Variants in ACTN1 observed in about 807,000 individuals in gnomAD.
ACTN1 encodes the protein alpha-actinin-1.
ACTN1 carries 30 observed loss-of-function variants against 119.6 expected under a neutral mutation model. The ratio of observed to expected loss-of-function variants is 0.25; its 90% CI spans 0.19 to 0.34. The LOEUF (loss-of-function observed/expected upper bound fraction) is 0.34. ACTN1 is among the 10% of genes least tolerant of loss of function. The pLI, the probability that ACTN1 is intolerant of heterozygous loss-of-function variation, is 1.00. For synonymous variants in ACTN1, 429 were observed against 472.6 expected, an observed-to-expected ratio of 0.91 and a Z score of 1.20; for missense variants, 764 against 1,223.4, an observed-to-expected ratio of 0.62 and a Z score of 5.60.
At chr14:68,971,544 G>A (rs773114545) in intron 1 of ACTN1, among the ~76,000 whole-genome samples, 11 of 152,174 alleles carry the variant, frequency 7.2e-5, no homozygotes, top group Non-Finnish European at 1.0e-4. Context: ...GGCCTCTCTC[G>A]CTGTGCGGCT....
At chr14:68,894,880 G>T (rs2140177483) in intron 8 of ACTN1, among the ~76,000 whole-genome samples, 1 of 152,312 alleles carries the variant, frequency 6.6e-6, no homozygotes, top group African/African-American at 2.4e-5. Flanking sequence ...GAGGCTGGTT[G>T]TAAGGAAGAG....
intron 8 of ACTN1, among the ~76,000 whole-genome samples, chr14:68,895,160 G>A (rs151018808): frequency 2.6e-5 from 4 of 152,160 alleles, no homozygotes; most frequent in Non-Finnish European, 5.9e-5. Context: ...AGGAGAAGGT[G>A]GGAATGGCCA....
At chr14:68,975,185 C>T (rs1454247996) in intron 1 of ACTN1, among the ~76,000 whole-genome samples, 2 of 152,194 alleles carry the variant, frequency 1.3e-5, no homozygotes, top group Non-Finnish European at 2.9e-5. Context: ...TCTGCAGAAT[C>T]GGGATGTGGG....
chr14:68,878,841 G>A lies in ACTN1; in HGVS notation c.2361+148C>T. The A allele has an allele frequency of 1.3e-6, 2 of 1,595,532 alleles. No homozygotes were observed. Among genetic ancestry groups the A allele is most frequent in the Non-Finnish European group, 1.7e-6 (2 of 1,178,080 alleles). On this transcript the variant is annotated intron_variant, in intron 19 of 21. Coordinates refer to ENST00000394419, the MANE Select transcript of ACTN1 (RefSeq NM_001130004.2). This position sits in a 1 kb window ranked among gnomAD's most constrained non-coding sequence, Gnocchi z 4.4. ...AGGGCAGAGGGTGGACCAGTGATGG[G>A]GCAGACAGAGACAGCAGGAGAGGAC...
chr14:68,886,067 TCAGA>T (rs1428347327), intron 11 of ACTN1: 1 of 153,426 alleles, frequency 6.5e-6, no homozygotes, highest in African/African-American at 2.4e-5. Context: ...TCTCTGACCC[TCAGA>T]CACACTGCCC....
In ACTN1 at chr14:68,882,542, G is replaced by A. The variant is rs1004230565; in HGVS notation, c.1869C>T (p.Ala623=). 1 of 1,614,228 alleles carries A rather than the reference G, an allele frequency of 6.2e-7. No individual in the cohort carries two copies. Among genetic ancestry groups the A allele is most frequent in the Non-Finnish European group, 8.5e-7 (1 of 1,180,050 alleles). Reference sequence around the variant, plus strand: ...GTAGCCTCTCATTGTGCTGCTGTCGGGCATGCTCCTCCGTCAGAGCTTGGT... The same window carrying A: ...GTAGCCTCTCATTGTGCTGCTGTCGAGCATGCTCCTCCGTCAGAGCTTGGT... ...RRDQALTEEH[A]RQQHNERLRK... The change falls in exon 16 of 22, where the codon GCC becomes GCT. Residue 623 remains alanine (A), a synonymous_variant. Coordinates refer to ENST00000394419, the MANE Select transcript of ACTN1 (RefSeq NM_001130004.2). The surrounding 1 kb of genome is among the most constrained non-coding windows in gnomAD (Gnocchi z 4.5).
rs761230605 is a variant in ACTN1, at chr14:68,979,065, G to T, written c.-9C>A. 2 of 1,563,266 alleles carry T rather than the reference G, an allele frequency of 1.3e-6. No individual in the cohort carries two copies. The highest frequency in any genetic ancestry group is 1.7e-5 in the Admixed American group (1 of 57,290). On this transcript the variant is annotated 5_prime_UTR_variant, in exon 1 of 22. Transcript: ENST00000394419. The stretch of plus-strand genomic sequence containing the variant: ...GAATCATAATGGTCCATGATGGTGC[G>T]CGCGTGCTAGGGTCTGGATTTCTTC...
At chr14:68,968,613 G>A (rs945160662) in intron 1 of ACTN1, among the ~76,000 whole-genome samples, 3 of 152,328 alleles carry the variant, frequency 2.0e-5, no homozygotes, top group South Asian at 2.1e-4. Context: ...AGAACACTGC[G>A]GTCGCAACTC....
In ACTN1 at chr14:68,878,574, G is replaced by C. The variant is rs775942213; in HGVS notation, c.2362-51C>G. The C allele has an allele frequency of 6.2e-6, 10 of 1,611,442 alleles. No homozygotes were observed. The highest frequency in any genetic ancestry group is 1.3e-5 in the African/African-American group (1 of 74,880). On this transcript the variant is annotated intron_variant, in intron 19 of 21. Transcript: ENST00000394419. This position sits in a 1 kb window ranked among gnomAD's most constrained non-coding sequence, Gnocchi z 4.4. ...ACAAGGAGGGTCGGGAAGGCAGGAA[G>C]AGGAAGGGCCGGCCCGGGGCCAGGA...
At chr14:68,927,108 T>G (rs1025557717) in intron 1 of ACTN1, among the ~76,000 whole-genome samples, 24 of 152,324 alleles carry the variant, frequency 1.6e-4, no homozygotes, top group Admixed American at 1.0e-3. Flanking sequence ...AAACGGCGTA[T>G]TGTGCTATCC....
intron 7 of ACTN1, 60 bp from the exon 8 acceptor site, chr14:68,902,622 C>G: frequency 7.0e-7 from 1 of 1,436,310 alleles, no homozygotes; most frequent in Non-Finnish European, 9.7e-7. Flanking sequence ...ACACCCCCGA[C>G]GTGAGGCAGA....
chr14:68,909,175 A>T lies in ACTN1; in HGVS notation c.594+143T>A. The T allele has an allele frequency of 1.3e-6, 1 of 753,122 alleles. No homozygotes were observed. Among genetic ancestry groups the T allele is most frequent in the Non-Finnish European group, 2.2e-6 (1 of 458,126 alleles). 46.7% of individuals were successfully genotyped at this position (753,122 alleles called of 1,614,324 possible). A position where few individuals can be genotyped will look rare whatever the true frequency, so the allele number is the denominator to read the frequency against. The stretch of plus-strand genomic sequence containing the variant: ...GGGAAGGTGTTTTCTCTTCACTTTC[A>T]GTTGGGGCTCTGTCTGGCTATTCTA... On this transcript the variant is annotated intron_variant, in intron 6 of 21. Transcript: ENST00000394419. The surrounding 1 kb of genome is among the most constrained non-coding windows in gnomAD (Gnocchi z 4.1).
chr14:68,963,072 T>C (rs1285966938), intron 1 of ACTN1, among the ~76,000 whole-genome samples: 1 of 151,988 alleles, frequency 6.6e-6, no homozygotes, highest in African/African-American at 2.4e-5. Flanking sequence ...TGCACTCCCT[T>C]TTTCTTACCT....
chr14:68,958,510 C>T (rs1450441238), intron 1 of ACTN1, among the ~76,000 whole-genome samples: 1 of 151,782 alleles, frequency 6.6e-6, no homozygotes, highest in Non-Finnish European at 1.5e-5. Flanking sequence ...ATATTACTTT[C>T]CTTTTCAATT....
intron 1 of ACTN1, among the ~76,000 whole-genome samples, chr14:68,962,122 C>T (rs1033372948): frequency 3.9e-5 from 6 of 152,180 alleles, no homozygotes; most frequent in South Asian, 2.1e-4. Context: ...GCAGCTTCCC[C>T]GAGTCAGGAT....
intron 1 of ACTN1, among the ~76,000 whole-genome samples, chr14:68,963,643 C>T (rs1352979818): frequency 1.3e-5 from 2 of 152,208 alleles, no homozygotes; most frequent in Non-Finnish European, 2.9e-5. Context: ...GCAGTTAGTT[C>T]AAACCCTCCG....
Position 68,883,157 on chromosome 14 carries a change from G to A in ACTN1, c.1636-102C>T, listed in dbSNP as rs773705825. 2.7e-4 allele frequency: 342 copies of A among 1,244,016 alleles called. 1 individual carries two copies. The highest frequency in any genetic ancestry group is 2.5e-3 in the Middle Eastern group (9 of 3,530). 77.1% of individuals were successfully genotyped at this position (1,244,016 alleles called of 1,614,324 possible). A position where few individuals can be genotyped will look rare whatever the true frequency, so the allele number is the denominator to read the frequency against. On this transcript the variant is annotated intron_variant, in intron 14 of 21. Coordinates refer to ENST00000394419, the MANE Select transcript of ACTN1 (RefSeq NM_001130004.2). ...AGTTCCACACCAGCTGGGAGACCAGGAGGCATCAATTCAAAGATTCTTGTG... is the reference window on the plus strand; with the variant it reads ...AGTTCCACACCAGCTGGGAGACCAGAAGGCATCAATTCAAAGATTCTTGTG...
At chr14:68,898,814 G>C (rs775421727) in intron 8 of ACTN1, among the ~76,000 whole-genome samples, 1 of 151,926 alleles carries the variant, frequency 6.6e-6, no homozygotes, top group Non-Finnish European at 1.5e-5. Context: ...ACAGGGATGA[G>C]TGAAAGGGAA....
chr14:68,876,382 C>A (rs528186710), intron 21 of ACTN1, among the ~76,000 whole-genome samples: 30 of 152,270 alleles, frequency 2.0e-4, no homozygotes, highest in African/African-American at 6.7e-4. Flanking sequence ...CCCACCCCAC[C>A]CCCACCATTT....
Sources: allele counts gnomAD v4.1 joint callset (sites outside exome capture counted in the v4.1 genomes callset), GRCh38; gene constraint gnomAD v4.1.1; non-coding constraint Gnocchi (gnomAD v3.1); transcripts MANE v1.5; gene names NCBI Gene and HGNC (gene_info 2026-07-23, HGNC 2026-07-21).